USP9Y: variants seen among roughly 807,000 people sequenced by gnomAD.
USP9Y encodes the protein ubiquitin carboxyl-terminal hydrolase 9Y.
A neutral mutation model predicts 53.1 loss-of-function variants in USP9Y; 41 were observed. The observed-to-expected ratio is 0.77, with a 90% CI of 0.60 to 1.00. The LOEUF is 1.00. Among genes scored for constraint, USP9Y ranks in the 50% least tolerant of loss-of-function variants. The pLI is 0.00. For synonymous variants in USP9Y, 220 were observed against 173.7 expected (o/e 1.27, Z -2.09); for missense variants, 567 against 535.8 (o/e 1.06, Z -0.58).
chrY:12,779,541 C>G lies in USP9Y; in HGVS notation c.3046C>G (p.Pro1016Ala). The change falls in exon 22 of 46, where the codon CCC (proline) becomes GCC (alanine). Residue 1016 changes from proline to alanine, a missense_variant. Transcript: ENST00000338981. ...TGTATTCTAGATAATGTCAGTGCATCCCAGATACATCTCTTTCCTTTGGCA... is the reference window on the plus strand; with the variant it reads ...TGTATTCTAGATAATGTCAGTGCATGCCAGATACATCTCTTTCCTTTGGCA... ...CLPGVIMSVH[P>A]RYISFLWQVA... 2.5e-6 allele frequency: 1 copy of G among 396,522 alleles called. No individual in the cohort carries two copies. Among genetic ancestry groups the G allele is most frequent in the Non-Finnish European group, 3.5e-6 (1 of 281,935 alleles).
At chrY:12,720,165 A>G in intron 3 of USP9Y, among the ~76,000 whole-genome samples, 1 of 33,393 alleles carries the variant, frequency 3.0e-5, no homozygotes, top group East Asian at 8.3e-4. Flanking sequence ...TGGGAAGCGG[A>G]GGTGGGTGGA....
chrY:12,789,489 G>A (rs765058599), intron 24 of USP9Y, among the ~76,000 whole-genome samples: 1 of 32,275 alleles, frequency 3.1e-5, no homozygotes, highest in Non-Finnish European at 7.6e-5. Flanking sequence ...AAAATTAGCC[G>A]GGCGTGGTGA....
Position 12,810,286 on chromosome Y carries a change from G to C in USP9Y, c.4091G>C (p.Gly1364Ala). The change falls in exon 28 of 46, where the codon GGG (glycine) becomes GCG (alanine). Residue 1364 changes from glycine to alanine, a missense_variant and splice_region_variant. By Grantham distance (60) the Gly-to-Ala change is moderately conservative (BLOSUM62 0). Coordinates refer to ENST00000338981, the MANE Select transcript of USP9Y (RefSeq NM_004654.4). Reference protein sequence around the residue: ...FFITLLFTILGSTAREKGKYS... With the variant: ...FFITLLFTILASTAREKGKYS... ...ATTACTTTACTCTTTACCATACTGG[G>C]GGTGAGAAGTTTTCAAATGAACTTA... 1 of 391,783 alleles carries C rather than the reference G, an allele frequency of 2.6e-6. No homozygotes were observed.
At chrY:12,827,687 C>T (rs2053547480) in intron 33 of USP9Y, among the ~76,000 whole-genome samples, 1 of 33,649 alleles carries the variant, frequency 3.0e-5, no homozygotes, top group Non-Finnish European at 7.4e-5. Context: ...AGGCTGGGCG[C>T]GGTCATGGCT....
intron 33 of USP9Y, among the ~76,000 whole-genome samples, chrY:12,824,534 T>TA (rs2053544515): frequency 6.1e-4 from 19 of 31,184 alleles, no homozygotes; most frequent in Admixed American, 3.0e-3. Context: ...TCAACTTTTT[T>TA]AAAAAAAAAA....
At chrY:12,722,288 T>C in intron 5 of USP9Y, 101 bp downstream of exon 5, 2 of 221,323 alleles carry the variant, frequency 9.0e-6, no homozygotes, top group East Asian at 2.2e-4. Context: ...TACTGTTTAT[T>C]CCTAGTTTAT....
chrY:12,778,146 C>A lies in USP9Y; in HGVS notation c.2767C>A (p.Arg923Ser). ...IGSVRRCIVN[R>S]IKANVAHKKI... ...TTCAGTACGGCGATGTATTGTTAAT[C>A]GTATTAAAGCCAATGTAGCCCACAA... The change falls in exon 20 of 46, where the codon CGT becomes AGT. Residue 923 changes from arginine to serine, a missense_variant. Coordinates refer to ENST00000338981, the MANE Select transcript of USP9Y (RefSeq NM_004654.4). 2.5e-6 allele frequency: 1 copy of A among 397,554 alleles called. No homozygotes were observed. Among genetic ancestry groups the A allele is most frequent in the South Asian group, 3.0e-5 (1 of 33,706 alleles).
At chrY:12,710,265 A>G (rs761632304) in intron 3 of USP9Y, among the ~76,000 whole-genome samples, 1 of 33,871 alleles carries the variant, frequency 3.0e-5, no homozygotes, top group African/African-American at 1.1e-4. Context: ...TTTAATATCA[A>G]AGTTCTGTGC....
chrY:12,710,593 A>G, intron 3 of USP9Y, among the ~76,000 whole-genome samples: 4 of 32,412 alleles, frequency 1.2e-4, no homozygotes, highest in African/African-American at 3.6e-4. Context: ...TTTTCGTGCA[A>G]TATATTTGGT....
chrY:12,733,958 T>C (rs2053449361), intron 7 of USP9Y, among the ~76,000 whole-genome samples: 3 of 33,886 alleles, frequency 8.9e-5, no homozygotes, highest in Non-Finnish European at 1.5e-4. Context: ...TTGTCTTTCT[T>C]GAGACTTTCC....
rs2053583373 is a variant in USP9Y, at chrY:12,860,679, A to C, written c.*1263A>C. 5.9e-5 allele frequency: 2 copies of C among 33,869 alleles called. No homozygotes were observed. Among genetic ancestry groups the C allele is most frequent in the African/African-American group, 2.3e-4 (2 of 8,735 alleles). The allele number at this position is 33,869 out of a possible 400,897, so 8.4% of individuals were successfully genotyped here. A position where few individuals can be genotyped will look rare whatever the true frequency, so the allele number is the denominator to read the frequency against. On this transcript the variant is annotated 3_prime_UTR_variant, in exon 46 of 46. Coordinates refer to ENST00000338981, the MANE Select transcript of USP9Y (RefSeq NM_004654.4). ...ACCTGTGAGTTAATACTATATTTAA[A>C]AGAGAATTGGTAAATTTTGAATGTG... is the stretch of plus-strand genomic sequence containing the variant.
At chrY:12,732,674 GTCT>G (rs2053447976) in intron 7 of USP9Y, among the ~76,000 whole-genome samples, 1 of 31,425 alleles carries the variant, frequency 3.2e-5, no homozygotes, top group Non-Finnish European at 7.7e-5. Context: ...TAGAGATGGG[GTCT>G]TCTTCTCCAT....
intron 12 of USP9Y, among the ~76,000 whole-genome samples, chrY:12,751,212 A>G: frequency 3.2e-5 from 1 of 31,673 alleles, no homozygotes; most frequent in Non-Finnish European, 7.7e-5. Context: ...GGGTTTCGCC[A>G]TGTTGGCCAG....
chrY:12,774,611 G>A (rs2053490707), intron 17 of USP9Y, among the ~76,000 whole-genome samples: 1 of 32,680 alleles, frequency 3.1e-5, no homozygotes, highest in Non-Finnish European at 7.5e-5. Context: ...TGACATGAAC[G>A]ATGGACAGAA....
chrY:12,723,198 T>TA (rs2053437452), intron 5 of USP9Y, among the ~76,000 whole-genome samples: 42 of 25,201 alleles, frequency 1.7e-3, no homozygotes, highest in Non-Finnish European at 2.3e-3. Flanking sequence ...AGCCTTAATA[T>TA]AAAAAAAAAA....
intron 8 of USP9Y, 105 bp downstream of exon 8, chrY:12,735,832 T>TC (rs2053451050): frequency 3.9e-6 from 1 of 253,521 alleles, no homozygotes; most frequent in African/African-American, 7.6e-5. Flanking sequence ...CAAATTACTA[T>TC]TTTATTTACT....
intron 25 of USP9Y, among the ~76,000 whole-genome samples, 191 bp from the exon 26 acceptor site, chrY:12,791,308 A>G: frequency 3.0e-5 from 1 of 33,558 alleles, no homozygotes; most frequent in Non-Finnish European, 7.4e-5. Flanking sequence ...ATGGGAAGCC[A>G]TATTTTTTGA....
chrY:12,769,530 T>C (rs2053483559), intron 15 of USP9Y, among the ~76,000 whole-genome samples: 1 of 33,838 alleles, frequency 3.0e-5, no homozygotes, highest in Non-Finnish European at 7.3e-5. Flanking sequence ...GTTTAAAAGT[T>C]TCGGGATAAA....
chrY:12,776,875 G>A lies in USP9Y; in HGVS notation c.2639+15G>A. 2.8e-6 allele frequency: 1 copy of A among 357,042 alleles called. No homozygotes were observed. Among genetic ancestry groups the A allele is most frequent in the South Asian group, 3.1e-5 (1 of 32,730 alleles). 89.1% of individuals were successfully genotyped at this position (357,042 alleles called of 400,897 possible). On this transcript the variant is annotated intron_variant, in intron 19 of 45. Coordinates refer to ENST00000338981, the MANE Select transcript of USP9Y (RefSeq NM_004654.4). The stretch of plus-strand genomic sequence containing the variant: ...CCTATGTCGAGGTTTGTGTGAAGTT[G>A]ATCTCTAGTGTTAATTTACAATTAC...
Sources: gnomAD v4.1 joint callset for allele counts (sites outside exome capture counted in the v4.1 genomes callset) on GRCh38, gnomAD v4.1.1 for gene constraint, MANE v1.5 for transcripts, NCBI Gene and HGNC (gene_info 2026-07-23, HGNC 2026-07-21) for gene names.